The following SLC25A48 variants were observed in gnomAD, a reference collection of about 807,000 sequenced individuals.
SLC25A48 encodes CTC-321K16.1.
Under a neutral mutation model 32.2 loss-of-function variants are expected in SLC25A48, and 29 were observed. The ratio of observed to expected loss-of-function variants is 0.90; its 90% CI spans 0.67 to 1.23. SLC25A48 has a LOEUF of 1.23. SLC25A48 is among the 50% of genes most tolerant of loss of function. The pLI is 0.00. For missense variants in SLC25A48, 399 were observed against 422.7 expected, an observed-to-expected ratio of 0.94 and a Z score of 0.49; for synonymous variants, 164 against 172.3, an observed-to-expected ratio of 0.95 and a Z score of 0.38.
intron 4 of SLC25A48, among the ~76,000 whole-genome samples, chr5:135,822,386 A>G (rs74776271): frequency 6.6e-6 from 1 of 152,206 alleles, no homozygotes; most frequent in Admixed American, 6.5e-5. Context: ...TGAAGGCCAA[A>G]ATTTCAAACT....
intron 3 of SLC25A48, among the ~76,000 whole-genome samples, chr5:135,777,563 A>T (rs1171499920): frequency 6.6e-6 from 1 of 151,204 alleles, no homozygotes; most frequent in African/African-American, 2.4e-5. Flanking sequence ...ATATTTAGAA[A>T]AAAGGAGGAT....
chr5:135,842,814 A>T (rs1759118443), intron 2 of SLC25A48, among the ~76,000 whole-genome samples: 1 of 152,232 alleles, frequency 6.6e-6, no homozygotes, highest in African/African-American at 2.4e-5. Context: ...ATCATACAAC[A>T]AGTTAAAAAC....
In SLC25A48 at chr5:135,756,422, T is replaced by C. The variant is rs537920777; in HGVS notation, c.-520-56101T>C. Among the ~76,000 whole-genome samples the C allele has an allele frequency of 3.9e-5, 6 of 152,228 alleles. No homozygotes were observed. In the East Asian group the frequency reaches 1.2e-3, roughly 29 times the overall value. On this transcript the variant is annotated intron_variant, in intron 3 of 10. Coordinates refer to the SLC25A48 transcript ENST00000646290. ...AATATCGACCTTGTGTGGTGGCTCA[T>C]GCCTGTGATCCCAGGCCAAGGTGGG...
intron 3 of SLC25A48, among the ~76,000 whole-genome samples, chr5:135,791,125 G>A (rs1757019963): frequency 6.7e-6 from 1 of 150,128 alleles, no homozygotes; most frequent in Non-Finnish European, 1.5e-5. Flanking sequence ...TGTACAACCT[G>A]TGATACTGCT....
At chr5:135,881,983 C>T (rs1762505802) in intron 7 of SLC25A48, among the ~76,000 whole-genome samples, 1 of 152,244 alleles carries the variant, frequency 6.6e-6, no homozygotes, top group Non-Finnish European at 1.5e-5. Context: ...CCTGTCGTAC[C>T]TGCCACTGTG....
Position 135,766,099 on chromosome 5 carries a change from C to T in SLC25A48, c.-520-46424C>T, listed in dbSNP as rs192003788. On this transcript the variant is annotated intron_variant, in intron 3 of 10. Transcript: ENST00000646290. ...GAGAGAGTAATATTTCTCCCCATAT[C>T]GCGGGGGATGTACAGCCCCCTGTGA... Among the ~76,000 whole-genome samples the T allele has an allele frequency of 6.9e-4, 104 of 151,824 alleles. 1 individual carries two copies. Among genetic ancestry groups the T allele is most frequent in the Non-Finnish European group, 1.3e-3 (91 of 67,914 alleles).
At chr5:135,877,539 C>T (rs1402055250) in intron 6 of SLC25A48, among the ~76,000 whole-genome samples, 1 of 152,146 alleles carries the variant, frequency 6.6e-6, no homozygotes, top group Non-Finnish European at 1.5e-5. Context: ...TTCATTTATT[C>T]ATTCATTCAT....
At chr5:135,815,081 G>A (rs928238353) in intron 4 of SLC25A48, among the ~76,000 whole-genome samples, 1 of 152,162 alleles carries the variant, frequency 6.6e-6, no homozygotes, top group African/African-American at 2.4e-5. Context: ...GATAACTGAG[G>A]GCCTGCTATG....
intron 3 of SLC25A48, among the ~76,000 whole-genome samples, chr5:135,665,478 T>A (rs563118599): frequency 1.3e-5 from 2 of 152,292 alleles, no homozygotes; most frequent in Admixed American, 1.3e-4. Context: ...TTTTTGCATT[T>A]GCTTTGGGGT....
chr5:135,634,547 C>T (rs1055234508), intron 2 of SLC25A48, among the ~76,000 whole-genome samples: 2 of 152,210 alleles, frequency 1.3e-5, no homozygotes, highest in African/African-American at 4.8e-5. Flanking sequence ...CAAGACAAAC[C>T]CAAAGAGAAG....
At chr5:135,817,100 G>A (rs912597465) in intron 4 of SLC25A48, among the ~76,000 whole-genome samples, 1 of 152,230 alleles carries the variant, frequency 6.6e-6, no homozygotes, top group African/African-American at 2.4e-5. Context: ...CAAATTTATA[G>A]CAGCAGTGCT....
At chr5:135,842,669 G>A (rs936417545) in intron 2 of SLC25A48, among the ~76,000 whole-genome samples, 2 of 152,232 alleles carry the variant, frequency 1.3e-5, no homozygotes, top group Non-Finnish European at 2.9e-5. Flanking sequence ...GTAGATTGGA[G>A]ATGGGAACCT....
intron 3 of SLC25A48, among the ~76,000 whole-genome samples, chr5:135,688,430 C>T (rs1473094468): frequency 1.3e-5 from 2 of 152,084 alleles, no homozygotes; most frequent in African/African-American, 4.8e-5. Context: ...CCAAAGTGCT[C>T]CTTGTGTTTC....
chr5:135,651,424 C>T (rs115210785), intron 3 of SLC25A48, among the ~76,000 whole-genome samples: 3,564 of 152,244 alleles, frequency 0.023, 144 homozygotes, highest in African/African-American at 0.081. Flanking sequence ...TGTGTGGACA[C>T]CTTCCCCTGA....
At chr5:135,698,114 G>A (rs189587323) in intron 3 of SLC25A48, among the ~76,000 whole-genome samples, 1 of 152,206 alleles carries the variant, frequency 6.6e-6, no homozygotes, top group Non-Finnish European at 1.5e-5. Flanking sequence ...CTACCAAGTT[G>A]TCAGTGCAGG....
At chr5:135,579,291 G>A (rs1751178483) in exon 1 of SLC25A48, 1 of 162,862 alleles carries the variant, frequency 6.1e-6, no homozygotes, top group Non-Finnish European at 1.3e-5. Flanking sequence ...CCAGCGTCCC[G>A]CTCTGCCTTT....
intron 1 of SLC25A48, among the ~76,000 whole-genome samples, chr5:135,599,930 G>A (rs1240217637): frequency 1.3e-5 from 2 of 152,078 alleles, no homozygotes; most frequent in Admixed American, 1.3e-4. Flanking sequence ...CAATGACCTT[G>A]GGAAGAGGAG....
chr5:135,751,429 G>A (rs181575040), intron 3 of SLC25A48, among the ~76,000 whole-genome samples: 4 of 152,152 alleles, frequency 2.6e-5, no homozygotes, highest in Non-Finnish European at 4.4e-5. Flanking sequence ...AAACTCCACC[G>A]TGTCCTGTGG....
chr5:135,869,118 C>G (rs1425007453), intron 4 of SLC25A48, among the ~76,000 whole-genome samples: 1 of 152,062 alleles, frequency 6.6e-6, no homozygotes, highest in East Asian at 1.9e-4. Context: ...TATGGGCATT[C>G]TTTATACTAT....
Sources: allele counts gnomAD v4.1 joint callset (sites outside exome capture counted in the v4.1 genomes callset), GRCh38; gene constraint gnomAD v4.1.1; transcripts MANE v1.5; gene names NCBI Gene and HGNC (gene_info 2026-07-23, HGNC 2026-07-21).